The following TRAPPC9 variants were observed in gnomAD, a reference collection of about 807,000 sequenced individuals.
TRAPPC9 encodes the protein IKK2 binding protein.
A neutral mutation model predicts 124.0 loss-of-function variants in TRAPPC9; 83 were observed. The observed-to-expected ratio is 0.67, with a 90% confidence interval of 0.56 to 0.80. The LOEUF is 0.80. Among genes scored for constraint, TRAPPC9 ranks in the 30% least tolerant of loss-of-function variants. The probability of loss-of-function intolerance (pLI) is 0.00; values close to 1 mark genes in which losing one functional copy is unlikely to be tolerated. For synonymous variants in TRAPPC9, 638 were observed against 617.5 expected (o/e 1.03, Z -0.49); for missense variants, 1,302 against 1,508.3 (o/e 0.86, Z 2.27).
chr8:140,056,417 A>G (rs1842290651), intron 17 of TRAPPC9, among the ~76,000 whole-genome samples: 1 of 152,072 alleles, frequency 6.6e-6, no homozygotes, highest in Non-Finnish European at 1.5e-5. Flanking sequence ...CTCTAAAAAA[A>G]AAACAAAAAA....
At chr8:139,958,692 C>T (rs1835157197) in intron 19 of TRAPPC9, among the ~76,000 whole-genome samples, 1 of 152,180 alleles carries the variant, frequency 6.6e-6, no homozygotes, top group South Asian at 2.1e-4. Flanking sequence ...AACACGGTGT[C>T]TGGGATGGCG....
At chr8:139,978,169 C>T (rs534211569) in intron 19 of TRAPPC9, among the ~76,000 whole-genome samples, 3 of 152,300 alleles carry the variant, frequency 2.0e-5, no homozygotes, top group South Asian at 4.1e-4. Context: ...TGAGCCACGG[C>T]GCCCGGCTGA....
chr8:139,811,672 T>C lies in TRAPPC9; in HGVS notation c.3055+74207A>G, dbSNP rs539290174. Among the ~76,000 whole-genome samples, 4 of 152,326 alleles carry C rather than the reference T, an allele frequency of 2.6e-5. No individual in the cohort carries two copies. The South Asian group carries it at 8.3e-4, about 32-fold the overall frequency. ...CTTGTTTTTTAAAGCTATATATTTT[T>C]GGAAGCTAAGAAATGAGAGCAACAC... On this transcript the variant is annotated intron_variant, in intron 21 of 22. Coordinates refer to ENST00000438773, the MANE Select transcript of TRAPPC9 (RefSeq NM_001160372.4).
At chr8:139,896,212 C>G (rs1247425870) in intron 20 of TRAPPC9, among the ~76,000 whole-genome samples, 1 of 152,246 alleles carries the variant, frequency 6.6e-6, no homozygotes, top group East Asian at 1.9e-4. Context: ...GCAGCGATTA[C>G]AGCCACAGTT....
intron 18 of TRAPPC9, among the ~76,000 whole-genome samples, chr8:140,008,811 C>T (rs1417021428): frequency 2.0e-5 from 3 of 152,158 alleles, no homozygotes; most frequent in African/African-American, 2.4e-5. Flanking sequence ...CTTAATGTGG[C>T]GTTTAAGATA....
chr8:140,333,341 CTAGATA>C (rs553020560), intron 9 of TRAPPC9, among the ~76,000 whole-genome samples: 4 of 152,046 alleles, frequency 2.6e-5, no homozygotes, highest in African/African-American at 9.7e-5. Flanking sequence ...ATGTAGATAG[CTAGATA>C]TAGATATAGA....
At chr8:140,272,116 A>AATGGTGATGGTGGCGATGGTG (rs1554657919) in intron 15 of TRAPPC9, among the ~76,000 whole-genome samples, 8,696 of 119,996 alleles carry the variant, frequency 0.072, 345 homozygotes, top group Non-Finnish European at 0.11. Flanking sequence ...TGGTGGTGGC[A>AATGGTGATGGTGGCGATGGTG]ATGGTGATGG....
At chr8:140,309,517 C>G (rs1359981916) in intron 10 of TRAPPC9, among the ~76,000 whole-genome samples, 1 of 152,162 alleles carries the variant, frequency 6.6e-6, no homozygotes, top group Admixed American at 6.5e-5. Flanking sequence ...GACAAGAAGC[C>G]TCAGCTCCTG....
chr8:140,044,203 A>G (rs1044382567), intron 17 of TRAPPC9, among the ~76,000 whole-genome samples: 2 of 151,644 alleles, frequency 1.3e-5, no homozygotes, highest in Non-Finnish European at 2.9e-5. Context: ...CAACTACTGG[A>G]CAAACATTCA....
intron 9 of TRAPPC9, among the ~76,000 whole-genome samples, chr8:140,356,452 C>T (rs532296410): frequency 4.6e-5 from 7 of 152,308 alleles, no homozygotes; most frequent in Admixed American, 1.3e-4. Context: ...CCTGCATACA[C>T]GCTCAGTCAT....
At chr8:140,164,754 C>T (rs1246508073) in intron 17 of TRAPPC9, among the ~76,000 whole-genome samples, 1 of 152,214 alleles carries the variant, frequency 6.6e-6, no homozygotes, top group Admixed American at 6.5e-5. Context: ...CCATCCACAG[C>T]CACACAAGTC....
At chr8:140,431,701 T>C (rs1038624167) in intron 4 of TRAPPC9, among the ~76,000 whole-genome samples, 11 of 152,306 alleles carry the variant, frequency 7.2e-5, no homozygotes, top group African/African-American at 2.2e-4. Context: ...CCCCTGCTCA[T>C]AGATGCAGAG....
At chr8:140,141,428 T>C (rs1415068719) in intron 17 of TRAPPC9, among the ~76,000 whole-genome samples, 2 of 152,100 alleles carry the variant, frequency 1.3e-5, no homozygotes, top group African/African-American at 2.4e-5. Context: ...TAAAACCCAG[T>C]ACACATAAGG....
chr8:139,757,758 C>T (rs1345331100), intron 21 of TRAPPC9, among the ~76,000 whole-genome samples: 1 of 152,106 alleles, frequency 6.6e-6, no homozygotes, highest in African/African-American at 2.4e-5. Flanking sequence ...GGGCTGAGTG[C>T]AGAGAGGACC....
At chr8:140,344,896 C>T (rs962898833) in intron 9 of TRAPPC9, among the ~76,000 whole-genome samples, 1 of 152,236 alleles carries the variant, frequency 6.6e-6, no homozygotes, top group Non-Finnish European at 1.5e-5. Flanking sequence ...GGCGTGAAGC[C>T]GTGGTCATAT....
At position 139,729,455 on chromosome 8, in the gene TRAPPC9, C is replaced by G. The variant is rs199233; in HGVS notation, c.*1606G>C. On this transcript the variant is annotated 3_prime_UTR_variant, in exon 23 of 23. Coordinates refer to ENST00000438773, the MANE Select transcript of TRAPPC9 (RefSeq NM_001160372.4). ...AGAGACCGCCCTGGGGTCTCCACCC[C>G]CTACTGCAGCCAGACCTTCTGGGGC... Among the ~76,000 whole-genome samples, 2 of 151,932 alleles carry G rather than the reference C, an allele frequency of 1.3e-5. No homozygotes were observed. Among genetic ancestry groups the G allele is most frequent in the Non-Finnish European group, 2.9e-5 (2 of 67,994 alleles).
chr8:140,044,092 C>T (rs1170119736), intron 17 of TRAPPC9, among the ~76,000 whole-genome samples: 2 of 152,110 alleles, frequency 1.3e-5, no homozygotes, highest in African/African-American at 4.8e-5. Context: ...TTGGTAGTCG[C>T]CCTGAAGACG....
At chr8:140,293,094 G>A (rs2065708792) in intron 11 of TRAPPC9, among the ~76,000 whole-genome samples, 1 of 148,366 alleles carries the variant, frequency 6.7e-6, no homozygotes, top group Admixed American at 6.6e-5. Context: ...CATTTATGCA[G>A]CCAAAAAACA....
intron 21 of TRAPPC9, among the ~76,000 whole-genome samples, chr8:139,866,539 G>A (rs1411741147): frequency 3.9e-5 from 6 of 152,192 alleles, no homozygotes; most frequent in Non-Finnish European, 7.3e-5. Flanking sequence ...CTAGGAGTGT[G>A]GGAAGGGCTG....
Sources: gnomAD v4.1 joint callset for allele counts (sites outside exome capture counted in the v4.1 genomes callset) on GRCh38, gnomAD v4.1.1 for gene constraint, MANE v1.5 for transcripts, NCBI Gene and HGNC (gene_info 2026-07-23, HGNC 2026-07-21) for gene names.